SLC49A3: variants seen among roughly 807,000 people sequenced by gnomAD.
SLC49A3 encodes the protein solute carrier family 49 member A3.
SLC49A3 carries 50 observed loss-of-function variants against 43.8 expected under a neutral mutation model. The ratio of observed to expected loss-of-function variants is 1.14; its 90% CI spans 0.91 to 1.45. SLC49A3 has a LOEUF of 1.45. Among genes scored for constraint, SLC49A3 ranks in the 40% most tolerant of loss-of-function variants. The pLI, the probability that SLC49A3 is intolerant of heterozygous loss-of-function variation, is 0.00. For synonymous variants in SLC49A3, 413 were observed against 352.0 expected (o/e 1.17, Z -1.94); for missense variants, 906 against 774.1 (o/e 1.17, Z -2.02).
chr4:689,172 G>A (rs1741629509), upstream of SLC49A3: 5 of 1,263,916 alleles, frequency 4.0e-6, no homozygotes, highest in Admixed American at 4.3e-5. Flanking sequence ...CCGGCCGCCC[G>A]GGCTTAAGGA....
chr4:682,999 T>C (rs2109397010), intron 8 of SLC49A3, 109 bp from the exon 9 acceptor site: 4 of 1,160,748 alleles, frequency 3.4e-6, no homozygotes, highest in Non-Finnish European at 3.6e-6. Context: ...ACCACCCTCC[T>C]GAAGGCAGCA....
In SLC49A3 at chr4:682,347, T is replaced by A. The variant is rs754950718; in HGVS notation, c.1291A>T (p.Thr431Ser). Residue 431 changes from threonine to serine, a missense_variant, in exon 10 of 10, where the codon ACC becomes TCC. Coordinates refer to ENST00000322224, the MANE Select transcript of SLC49A3 (RefSeq NM_032219.4). ...VSLLLMAGLC[T>S]FFSCILAVFF... ...ACCGCCAGGATGCAGCTGAAGAAGG[T>A]GCACAGGCCGGCCATCAGCAGCAGA... 7.4e-7 allele frequency: 1 copy of A among 1,344,088 alleles called. No individual in the cohort carries two copies. The highest frequency in any genetic ancestry group is 1.5e-5 in the African/African-American group (1 of 66,488). The allele number at this position is 1,344,088 out of a possible 1,614,324, so 83.3% of individuals were successfully genotyped here.
downstream of SLC49A3, chr4:681,762 C>A: frequency 8.5e-7 from 1 of 1,177,786 alleles, no homozygotes; most frequent in Non-Finnish European, 1.1e-6. Context: ...CCAGCGCCGC[C>A]CTCACCCCGC....
At position 684,554 on chromosome 4, in the gene SLC49A3, C is replaced by G. The variant is rs1287843321; in HGVS notation, c.769G>C (p.Gly257Arg). 2.2e-5 allele frequency: 35 copies of G among 1,613,154 alleles called. No individual in the cohort carries two copies. The highest frequency in any genetic ancestry group is 2.6e-5 in the Non-Finnish European group (31 of 1,179,898). ...AYVILAVCLG[G>R]MIGISASFSA... The stretch of plus-strand genomic sequence containing the variant: ...AAGCTGGCAGAGATCCCGATCATTC[C>G]CCCCAAGCACACAGCCAGGATGACA... Residue 257 changes from glycine to arginine, a missense_variant, in exon 6 of 10, where the codon GGA becomes CGA. By Grantham distance (125) the Gly-to-Arg change is moderately radical (BLOSUM62 -2). Coordinates refer to ENST00000322224, the MANE Select transcript of SLC49A3 (RefSeq NM_032219.4).
At chr4:681,076 CT>C, downstream of SLC49A3, 1 of 1,593,058 alleles carries the variant, frequency 6.3e-7, no homozygotes, top group South Asian at 1.1e-5. Flanking sequence ...GCGCTGACCC[CT>C]TTCCTCGTCC....
chr4:678,213 G>A (rs1051665799), downstream of SLC49A3: 15 of 1,506,342 alleles, frequency 1.0e-5, no homozygotes, highest in Admixed American at 2.0e-4. Flanking sequence ...TGACCTTGCG[G>A]GTGTGGGCTG....
intron 5 of SLC49A3, 21 bp downstream of exon 5, chr4:684,698 C>T (rs774366360): frequency 2.2e-5 from 35 of 1,607,090 alleles, no homozygotes; most frequent in Middle Eastern, 1.7e-4. Context: ...CACCCTACCC[C>T]GGGGATCCCA....
In SLC49A3 at chr4:685,211, G is replaced by T; in HGVS notation, c.586-355C>A. On this transcript the variant is annotated intron_variant, in intron 4 of 9. Coordinates refer to ENST00000322224, the MANE Select transcript of SLC49A3 (RefSeq NM_032219.4). This position sits in a 1 kb window ranked among gnomAD's most constrained non-coding sequence, Gnocchi z 4.3. The stretch of plus-strand genomic sequence containing the variant: ...GAGGCACACGTGCATACAGACTCAC[G>T]CTCAGTACATACCCCCAAGCACAAA... The T allele has an allele frequency of 2.7e-6, 1 of 371,674 alleles. No individual in the cohort carries two copies. The highest frequency in any genetic ancestry group is 5.0e-6 in the Non-Finnish European group (1 of 201,990). The allele number at this position is 371,674 out of a possible 1,614,324, so 23.0% of individuals were successfully genotyped here. A position where few individuals can be genotyped will look rare whatever the true frequency, so the allele number is the denominator to read the frequency against.
At chr4:683,118 G>T in intron 8 of SLC49A3, 92 bp downstream of exon 8, 1 of 1,522,734 alleles carries the variant, frequency 6.6e-7, no homozygotes. Flanking sequence ...TCCCCGAAAA[G>T]GGGCCTGGAC....
At chr4:680,130 C>G, downstream of SLC49A3, 1 of 1,061,552 alleles carries the variant, frequency 9.4e-7, no homozygotes, top group Non-Finnish European at 1.4e-6. Context: ...GCCCTAGGGC[C>G]TGGCACTCTG....
chr4:676,948 C>T, downstream of SLC49A3: 5 of 985,144 alleles, frequency 5.1e-6, no homozygotes, highest in Non-Finnish European at 6.0e-6. Flanking sequence ...CAGGGGACGC[C>T]AACTGTGACC....
At chr4:684,389 G>C in intron 6 of SLC49A3, 94 bp downstream of exon 6, 1 of 1,541,812 alleles carries the variant, frequency 6.5e-7, no homozygotes, top group South Asian at 1.2e-5. Flanking sequence ...CCCCGCCAGG[G>C]TCGGACACTG....
intron 6 of SLC49A3, among the ~76,000 whole-genome samples, chr4:684,278 CA>C (rs1740525214): frequency 6.6e-6 from 1 of 152,184 alleles, no homozygotes; most frequent in Non-Finnish European, 1.5e-5. Flanking sequence ...ACAGCTGCCC[CA>C]CCCCACTGCA....
rs981340150 is a variant in SLC49A3 at position 685,503 on chromosome 4, G to A, written c.585+332C>T. 2.1e-4 allele frequency among the ~76,000 whole-genome samples: 32 copies of A among 151,832 alleles called. 1 individual carries two copies. The highest frequency in any genetic ancestry group is 5.9e-5 in the Non-Finnish European group (4 of 67,982). On this transcript the variant is annotated intron_variant, in intron 4 of 9. Transcript: ENST00000322224. The surrounding 1 kb of genome is among the most constrained non-coding windows in gnomAD (Gnocchi z 4.3). ...TCATGAGGTCAGGAGTTCGAGACCA[G>A]CCTGGCCAACATGGTGAAACCCCAA...
chr4:685,174 CAGGT>C lies in SLC49A3; in HGVS notation c.586-322_586-319del, dbSNP rs1740734406. ...CATGATAGGGCTCAACACACAGACA[CAGGT>C]GGGTGCAGAGGCACACGTGCATACA... On this transcript the variant is annotated intron_variant, in intron 4 of 9. Transcript: ENST00000322224. This position sits in a 1 kb window ranked among gnomAD's most constrained non-coding sequence, Gnocchi z 4.3. 6.7e-6 allele frequency: 3 copies of C among 445,230 alleles called. No homozygotes were observed. Among genetic ancestry groups the C allele is most frequent in the Non-Finnish European group, 1.2e-5 (3 of 247,516 alleles). 27.6% of individuals were successfully genotyped at this position (445,230 alleles called of 1,614,324 possible).
Position 684,734 on chromosome 4 carries a change from C to T in SLC49A3, c.708G>A (p.Leu236=). The change falls in exon 5 of 10, where the codon CTG becomes CTA. Residue 236 remains leucine (L), a synonymous_variant. Coordinates refer to ENST00000322224, the MANE Select transcript of SLC49A3 (RefSeq NM_032219.4). ...GAASSTSEKF[L]DGLKLLMWNK... is the part of the protein sequence containing the mutation. ...CGGCACTGACCAGCTTGAGCCCATC[C>T]AGGAACTTCTCTGAGGTGGAGCTGG... The T allele has an allele frequency of 6.2e-7, 1 of 1,611,452 alleles. No individual in the cohort carries two copies. Among genetic ancestry groups the T allele is most frequent in the Non-Finnish European group, 8.5e-7 (1 of 1,179,482 alleles).
At chr4:683,540 A>G in intron 7 of SLC49A3, 69 bp downstream of exon 7, 4 of 1,543,226 alleles carry the variant, frequency 2.6e-6, no homozygotes, top group Non-Finnish European at 3.5e-6. Context: ...CCAAGCCGCC[A>G]ACCGCCCTCT....
chr4:683,496 G>C, intron 7 of SLC49A3, 113 bp downstream of exon 7: 1 of 1,494,668 alleles, frequency 6.7e-7, no homozygotes, highest in Non-Finnish European at 9.0e-7. Context: ...GCTGGCAGAG[G>C]CTGGGCATGA....
chr4:680,112 C>T, downstream of SLC49A3: 1 of 1,226,740 alleles, frequency 8.2e-7, no homozygotes, highest in Non-Finnish European at 1.1e-6. Context: ...TTTCCAATCT[C>T]TGGAGAAGCC....
Sources: gnomAD v4.1 joint callset for allele counts (sites outside exome capture counted in the v4.1 genomes callset) on GRCh38, gnomAD v4.1.1 for gene constraint, Gnocchi (gnomAD v3.1) non-coding constraint, MANE v1.5 for transcripts, NCBI Gene and HGNC (gene_info 2026-07-23, HGNC 2026-07-21) for gene names.